FHIT: variants seen among roughly 807,000 people sequenced by gnomAD.
The protein encoded by FHIT is bis(5'-adenosyl)-triphosphatase.
FHIT carries 19 observed loss-of-function variants against 17.9 expected under a neutral mutation model. The observed-to-expected ratio is 1.06, with a 90% confidence interval of 0.74 to 1.56. The LOEUF is 1.56. Ranked by LOEUF, FHIT falls within the 40% of genes most tolerant of loss-of-function variation. The probability of loss-of-function intolerance (pLI) is 0.00; values close to 1 mark genes in which losing one functional copy is unlikely to be tolerated. For missense variants in FHIT, 248 were observed against 189.2 expected, an observed-to-expected ratio of 1.31 and a Z score of -1.82; for synonymous variants, 81 against 69.7, an observed-to-expected ratio of 1.16 and a Z score of -0.81.
chr3:60,156,827 G>A (rs1340954545), intron 5 of FHIT, among the ~76,000 whole-genome samples: 4 of 152,082 alleles, frequency 2.6e-5, no homozygotes, highest in Admixed American at 6.6e-5. Flanking sequence ...TCAACGTTTT[G>A]ATCTAATGTA....
At chr3:59,766,693 A>T (rs1164759074) in intron 8 of FHIT, among the ~76,000 whole-genome samples, 1 of 152,124 alleles carries the variant, frequency 6.6e-6, no homozygotes, top group Non-Finnish European at 1.5e-5. Flanking sequence ...GTTTATGTTG[A>T]TTCCCACACC....
chr3:59,929,594 C>G (rs1182880267), intron 7 of FHIT, among the ~76,000 whole-genome samples: 1 of 151,914 alleles, frequency 6.6e-6, no homozygotes, highest in African/African-American at 2.4e-5. Context: ...AGGCTGGTCT[C>G]AAACTCCCAA....
intron 8 of FHIT, among the ~76,000 whole-genome samples, chr3:59,889,883 CTTCTT>C (rs1703781021): frequency 6.6e-6 from 1 of 152,086 alleles, no homozygotes. Flanking sequence ...TCTTTTCTTC[CTTCTT>C]TTCTTTTGCG....
chr3:60,147,820 T>C (rs557259010), intron 5 of FHIT, among the ~76,000 whole-genome samples: 1 of 152,276 alleles, frequency 6.6e-6, no homozygotes, highest in East Asian at 1.9e-4. Flanking sequence ...AACGGTGCAG[T>C]TGTCGAACGA....
chr3:59,877,769 T>C (rs918316963), intron 8 of FHIT, among the ~76,000 whole-genome samples: 1 of 152,236 alleles, frequency 6.6e-6, no homozygotes, highest in Non-Finnish European at 1.5e-5. Flanking sequence ...TCTCTCCATA[T>C]GTTTCCTATA....
intron 5 of FHIT, among the ~76,000 whole-genome samples, chr3:60,090,952 A>C (rs1443263505): frequency 6.6e-6 from 1 of 152,230 alleles, no homozygotes. Flanking sequence ...ATATGATTTC[A>C]AAACAGTTTC....
At chr3:61,030,801 G>A (rs1401869484) in intron 3 of FHIT, among the ~76,000 whole-genome samples, 1 of 152,150 alleles carries the variant, frequency 6.6e-6, no homozygotes, top group Non-Finnish European at 1.5e-5. Context: ...AGGAGAGGCA[G>A]GCCGTGAGCT....
intron 4 of FHIT, among the ~76,000 whole-genome samples, chr3:60,646,791 C>T (rs2039868333): frequency 6.6e-6 from 1 of 152,154 alleles, no homozygotes; most frequent in African/African-American, 2.4e-5. Context: ...TGTAAAGTAA[C>T]TGATTATTTC....
At chr3:60,368,864 G>C (rs2107044595) in intron 5 of FHIT, among the ~76,000 whole-genome samples, 1 of 151,654 alleles carries the variant, frequency 6.6e-6, no homozygotes, top group East Asian at 1.9e-4. Context: ...TTTTTTTCCT[G>C]TTTAGATAAT....
intron 5 of FHIT, among the ~76,000 whole-genome samples, chr3:60,486,977 C>T (rs410072): frequency 0.24 from 36,405 of 152,018 alleles, 5,082 homozygotes; most frequent in East Asian, 0.48. Context: ...GATTTCTAAG[C>T]AACCCTGCCA....
chr3:61,088,507 C>T, intron 2 of FHIT, among the ~76,000 whole-genome samples: 1 of 152,040 alleles, frequency 6.6e-6, no homozygotes, highest in East Asian at 1.9e-4. Context: ...AGATAAAGAG[C>T]CTTTGTGAAA....
intron 4 of FHIT, among the ~76,000 whole-genome samples, chr3:60,583,165 C>T (rs1255759461): frequency 1.3e-5 from 2 of 151,830 alleles, no homozygotes; most frequent in Non-Finnish European, 2.9e-5. Context: ...ATGAGAAATT[C>T]CTTATTCTCC....
intron 5 of FHIT, among the ~76,000 whole-genome samples, chr3:60,205,147 A>C (rs966108322): frequency 6.6e-6 from 1 of 152,120 alleles, no homozygotes; most frequent in Non-Finnish European, 1.5e-5. Flanking sequence ...GACAAAACAA[A>C]ACCACACAAA....
chr3:60,594,768 C>T (rs2038204553), intron 4 of FHIT, among the ~76,000 whole-genome samples: 2 of 152,098 alleles, frequency 1.3e-5, no homozygotes, highest in Admixed American at 6.6e-5. Context: ...CTTTTTCCCC[C>T]ATATCTGGTT....
chr3:60,821,862 C>T (rs1378509629), intron 4 of FHIT, 57 bp downstream of exon 4: 1 of 152,096 alleles, frequency 6.6e-6, no homozygotes, highest in Non-Finnish European at 1.5e-5. Context: ...AGGATACTCA[C>T]AGCAGGTCAA....
intron 8 of FHIT, among the ~76,000 whole-genome samples, chr3:59,808,925 T>C (rs983680491): frequency 1.3e-5 from 2 of 152,002 alleles, no homozygotes; most frequent in African/African-American, 4.8e-5. Flanking sequence ...AGGAGAGGCA[T>C]TGTGCTTGAA....
chr3:60,355,710 T>G (rs982682114), intron 5 of FHIT, among the ~76,000 whole-genome samples: 1 of 152,210 alleles, frequency 6.6e-6, no homozygotes, highest in African/African-American at 2.4e-5. Context: ...ATTCTTCCAG[T>G]TTTTGTCACA....
chr3:60,468,973 G>C (rs2032942626), intron 5 of FHIT, among the ~76,000 whole-genome samples: 1 of 151,936 alleles, frequency 6.6e-6, no homozygotes, highest in African/African-American at 2.4e-5. Flanking sequence ...TTTTCCTTGA[G>C]TACTTTAAAT....
chr3:60,786,054 C>G (rs1553726821), intron 4 of FHIT, among the ~76,000 whole-genome samples: 1 of 152,164 alleles, frequency 6.6e-6, no homozygotes, highest in Non-Finnish European at 1.5e-5. Flanking sequence ...TTCCTACATT[C>G]AGTGTGAATT....
Sources: gnomAD v4.1 joint callset for allele counts (sites outside exome capture counted in the v4.1 genomes callset) on GRCh38, gnomAD v4.1.1 for gene constraint, MANE v1.5 for transcripts, NCBI Gene and HGNC (gene_info 2026-07-23, HGNC 2026-07-21) for gene names.